Variants in HMCN2 observed in about 807,000 individuals in gnomAD.
The protein encoded by HMCN2 is hemicentin 2.
Under a neutral mutation model 377.5 loss-of-function variants are expected in HMCN2, and 325 were observed. That is an observed-to-expected ratio of 0.86 (90% CI 0.79 to 0.94). The LOEUF is 0.94. Among genes scored for constraint, HMCN2 ranks in the 40% least tolerant of loss-of-function variants. The probability of loss-of-function intolerance (pLI) is 0.00; values close to 1 mark genes in which losing one functional copy is unlikely to be tolerated. For synonymous variants in HMCN2, 2,007 were observed against 2,046.8 expected (o/e 0.98, Z 0.53); for missense variants, 4,543 against 4,725.3 (o/e 0.96, Z 1.13).
chr9:130,357,146 G>A (rs1271761529), intron 34 of HMCN2, among the ~76,000 whole-genome samples: 2 of 147,440 alleles, frequency 1.4e-5, no homozygotes, highest in African/African-American at 2.5e-5. Context: ...GGATAGAAGG[G>A]TGGATGGATG....
At chr9:130,403,372 G>T (rs772065938) in intron 79 of HMCN2, 44 bp downstream of exon 79, 65 of 1,286,682 alleles carry the variant, frequency 5.1e-5, no homozygotes, top group Non-Finnish European at 6.4e-5. Context: ...AGAGAAGAGC[G>T]TGGGTCTGGG....
intron 4 of HMCN2, among the ~76,000 whole-genome samples, chr9:130,293,303 G>GTTTTTTT (rs1588186458): frequency 6.6e-4 from 51 of 77,124 alleles, no homozygotes; most frequent in Non-Finnish European, 7.7e-4. Context: ...TTTTTTTTGC[G>GTTTTTTT]GTTCTTGTTG....
rs1836325611 is a variant in HMCN2, at chr9:130,299,059, C to T, written c.1047C>T (p.Gly349=). The T allele has an allele frequency of 4.2e-6, 2 of 470,900 alleles. No individual in the cohort carries two copies. The highest frequency in any genetic ancestry group is 3.1e-5 in the South Asian group (2 of 64,552). 29.2% of individuals were successfully genotyped at this position (470,900 alleles called of 1,614,324 possible). ...TCTCCCTGGTGATCAATTCCACGGG[C>T]CTGAAGGCACCCGGCCGCCTAGACT... The part of the protein sequence containing the change: ...VPISLVINST[G]LKAPGRLDSV... Residue 349 remains glycine (G), a synonymous_variant, in exon 8 of 98, where the codon GGC becomes GGT. Transcript: ENST00000683500.
At chr9:130,363,293 G>A (rs879526678) in intron 40 of HMCN2, among the ~76,000 whole-genome samples, 2 of 152,194 alleles carry the variant, frequency 1.3e-5, no homozygotes, top group Non-Finnish European at 2.9e-5. Context: ...AGGAAAGCCG[G>A]CTCTTGAGTG....
chr9:130,362,738 C>A, intron 39 of HMCN2, 129 bp from the exon 40 acceptor site: 1 of 668,236 alleles, frequency 1.5e-6, no homozygotes, highest in Non-Finnish European at 1.9e-6. Flanking sequence ...TCATGAGGGG[C>A]TCTGAGTCTG....
rs1841802009 is a variant in HMCN2, at chr9:130,382,799, T to C, written c.8666T>C (p.Leu2889Pro). The change falls in exon 56 of 98, where the codon CTC (leucine) becomes CCC (proline). Residue 2889 changes from leucine (L) to proline (P), a missense_variant. By Grantham distance (98) the Leu-to-Pro change is moderately conservative. Around this residue, in one of 5 missense-constraint regions of HMCN2, gnomAD observed 736 missense variants for 773.2 expected, o/e 0.95. Coordinates refer to ENST00000683500, the MANE Select transcript of HMCN2 (RefSeq NM_001291815.2). ...AACCCCGTGCCCACCATCTCATGGC[T>C]CCAGAATGGGCTGCCTTTCTCCCCG... ...LGNPVPTISW[L>P]QNGLPFSPSP... 3.0e-6 allele frequency: 3 copies of C among 985,742 alleles called. No homozygotes were observed. Among genetic ancestry groups the C allele is most frequent in the Non-Finnish European group, 3.6e-6 (3 of 829,968 alleles). 61.1% of individuals were successfully genotyped at this position (985,742 alleles called of 1,614,324 possible). A position where few individuals can be genotyped will look rare whatever the true frequency, so the allele number is the denominator to read the frequency against.
At chr9:130,324,198 G>A (rs1200491782) in intron 19 of HMCN2, among the ~76,000 whole-genome samples, 5 of 152,066 alleles carry the variant, frequency 3.3e-5, no homozygotes, top group African/African-American at 7.2e-5. Context: ...TCAGCCCCCT[G>A]GGAGCCACCC....
chr9:130,349,412 C>A, intron 28 of HMCN2, 125 bp from the exon 29 acceptor site: 1 of 1,125,824 alleles, frequency 8.9e-7, no homozygotes, highest in Non-Finnish European at 1.1e-6. Flanking sequence ...TTTTGGGGGG[C>A]TTCCCAGGAA....
Position 130,374,554 on chromosome 9 carries a change from G to C in HMCN2, c.7491G>C (p.Arg2497Ser). Reference protein sequence around the residue: ...TWFKDGRPLARGDAHHISPDG... With the variant: ...TWFKDGRPLASGDAHHISPDG... The stretch of plus-strand genomic sequence containing the variant: ...TCAAAGATGGCCGGCCTCTGGCTAG[G>C]GGAGATGCTCACCACATCTCCCCAG... Residue 2497 changes from arginine to serine, a missense_variant, in exon 49 of 98, where the codon AGG (arginine) becomes AGC (serine). Around this residue, in one of 5 missense-constraint regions of HMCN2, gnomAD observed 1,032 missense variants for 1,285.1 expected, o/e 0.80. Coordinates refer to ENST00000683500, the MANE Select transcript of HMCN2 (RefSeq NM_001291815.2). The C allele has an allele frequency of 1.0e-6, 1 of 985,816 alleles. No individual in the cohort carries two copies. The highest frequency in any genetic ancestry group is 1.2e-6 in the Non-Finnish European group (1 of 829,988). 61.1% of individuals were successfully genotyped at this position (985,816 alleles called of 1,614,324 possible). A position where few individuals can be genotyped will look rare whatever the true frequency, so the allele number is the denominator to read the frequency against.
chr9:130,318,211 C>G (rs1837670918), intron 15 of HMCN2, among the ~76,000 whole-genome samples: 1 of 152,196 alleles, frequency 6.6e-6, no homozygotes, highest in African/African-American at 2.4e-5. Flanking sequence ...TTATATCTGC[C>G]TGGAACTTCC....
At chr9:130,274,610 A>G (rs1306556617) in intron 1 of HMCN2, among the ~76,000 whole-genome samples, 1 of 152,212 alleles carries the variant, frequency 6.6e-6, no homozygotes, top group Non-Finnish European at 1.5e-5. Flanking sequence ...ACATGCTTGT[A>G]AAATATTCTA....
intron 82 of HMCN2, among the ~76,000 whole-genome samples, 154 bp from the exon 83 acceptor site, chr9:130,407,417 C>A (rs1843154626): frequency 6.6e-6 from 1 of 152,236 alleles, no homozygotes; most frequent in East Asian, 1.9e-4. Flanking sequence ...CCAGTGTGGC[C>A]TGTGCCTCCC....
intron 8 of HMCN2, among the ~76,000 whole-genome samples, chr9:130,302,264 T>A (rs1588204363): frequency 6.6e-6 from 1 of 152,152 alleles, no homozygotes; most frequent in African/African-American, 2.4e-5. Context: ...GCCAGGCTGG[T>A]CTTGAACTCC....
intron 53 of HMCN2, among the ~76,000 whole-genome samples, 152 bp downstream of exon 53, chr9:130,377,951 C>A (rs1009879239): frequency 3.9e-5 from 6 of 152,220 alleles, no homozygotes; most frequent in African/African-American, 1.4e-4. Context: ...AGAACGGCAC[C>A]CTGCCCCAAC....
chr9:130,406,457 C>G (rs1396442021), intron 82 of HMCN2: 1 of 306,462 alleles, frequency 3.3e-6, no homozygotes, highest in Non-Finnish European at 6.5e-6. Flanking sequence ...AGCTGCTGCT[C>G]CCATTGTGGG....
At chr9:130,277,902 C>T (rs1554923836) in intron 1 of HMCN2, among the ~76,000 whole-genome samples, 1 of 30,972 alleles carries the variant, frequency 3.2e-5, no homozygotes, top group Admixed American at 4.1e-4. Flanking sequence ...CCACCACCAT[C>T]ATCATCACCA....
At chr9:130,415,506 CTTTA>C (rs1313456357) in intron 85 of HMCN2, among the ~76,000 whole-genome samples, 2 of 152,202 alleles carry the variant, frequency 1.3e-5, no homozygotes, top group South Asian at 2.1e-4. Context: ...TGCCCGGCTA[CTTTA>C]TTTATTTTTT....
chr9:130,426,510 C>T (rs979091190), intron 90 of HMCN2, among the ~76,000 whole-genome samples: 11 of 152,220 alleles, frequency 7.2e-5, no homozygotes, highest in African/African-American at 2.4e-4. Flanking sequence ...CCTCTCGGAG[C>T]TTCAGTGTTC....
intron 40 of HMCN2, 91 bp from the exon 41 acceptor site, chr9:130,364,623 G>T (rs1465140841): frequency 3.1e-6 from 2 of 638,810 alleles, no homozygotes; most frequent in Non-Finnish European, 3.9e-6. Context: ...CCTGGCTGCT[G>T]CGAGTAGCTA....
Sources: gnomAD v4.1 joint callset for allele counts (sites outside exome capture counted in the v4.1 genomes callset) on GRCh38, gnomAD v4.1.1 for gene constraint, gnomAD v4.1.1 regional missense constraint, MANE v1.5 for transcripts, NCBI Gene and HGNC (gene_info 2026-07-23, HGNC 2026-07-21) for gene names.